Variants in ADAMTS20 observed in about 807,000 individuals in gnomAD.
ADAMTS20 encodes the protein A disintegrin and metalloproteinase with thrombospondin motifs 20.
Under a neutral mutation model 260.1 loss-of-function variants are expected in ADAMTS20, and 225 were observed. That is an observed-to-expected ratio of 0.87 (90% CI 0.78 to 0.97). The LOEUF is 0.97. ADAMTS20 is among the 50% of genes least tolerant of loss of function. The pLI is 0.00. For synonymous variants in ADAMTS20, 802 were observed against 769.5 expected (o/e 1.04, Z -0.70); for missense variants, 2,400 against 2,337.7 (o/e 1.03, Z -0.55).
chr12:43,503,116 G>A lies in ADAMTS20; in HGVS notation c.614-711C>T, dbSNP rs143114304. The stretch of plus-strand genomic sequence containing the variant: ...GAAACTTACACATTTATGCCTGTGC[G>A]TTTAAATCTTAATTAATTGCCCTAA... On this transcript the variant is annotated intron_variant, in intron 3 of 38. Coordinates refer to ENST00000389420, the MANE Select transcript of ADAMTS20 (RefSeq NM_025003.5). 1.8e-3 allele frequency among the ~76,000 whole-genome samples: 250 copies of A among 141,248 alleles called. 1 individual carries two copies. The highest frequency in any genetic ancestry group is 6.6e-3 in the African/African-American group (240 of 36,600). 92.7% of individuals were successfully genotyped at this position (141,248 alleles called of 152,430 possible). A position where few individuals can be genotyped will look rare whatever the true frequency, so the allele number is the denominator to read the frequency against.
At chr12:43,394,002 G>A (rs1940649469) in intron 29 of ADAMTS20, among the ~76,000 whole-genome samples, 1 of 152,008 alleles carries the variant, frequency 6.6e-6, no homozygotes, top group African/African-American at 2.4e-5. Flanking sequence ...GAATCTGTCT[G>A]TCTTTTAAAT....
intron 36 of ADAMTS20, among the ~76,000 whole-genome samples, chr12:43,369,693 G>A (rs543503588): frequency 6.6e-6 from 1 of 152,130 alleles, no homozygotes; most frequent in East Asian, 1.9e-4. Context: ...TCTGAAATAG[G>A]TAAAGTGGGG....
intron 28 of ADAMTS20, among the ~76,000 whole-genome samples, chr12:43,402,441 C>A (rs1940828152): frequency 6.6e-6 from 1 of 151,918 alleles, no homozygotes; most frequent in East Asian, 1.9e-4. Flanking sequence ...AGGGTAAGTA[C>A]AGATTCTATC....
chr12:43,526,146 T>C (rs1321717538), intron 3 of ADAMTS20, among the ~76,000 whole-genome samples: 1 of 152,176 alleles, frequency 6.6e-6, no homozygotes, highest in Non-Finnish European at 1.5e-5. Context: ...CAAATCTCAA[T>C]ACATTTTTAA....
chr12:43,460,988 ATTT>A (rs1161740021), intron 11 of ADAMTS20, among the ~76,000 whole-genome samples: 16 of 26,386 alleles, frequency 6.1e-4, no homozygotes, highest in African/African-American at 1.9e-3. Flanking sequence ...ATATATATAT[ATTT>A]TTTTTTTTTT....
intron 7 of ADAMTS20, among the ~76,000 whole-genome samples, chr12:43,483,401 C>T (rs927145010): frequency 1.1e-4 from 16 of 152,230 alleles, no homozygotes; most frequent in African/African-American, 3.6e-4. Flanking sequence ...GGCATAGGTA[C>T]AGTACTGAGC....
chr12:43,446,490 A>G, intron 15 of ADAMTS20, 105 bp downstream of exon 15: 1 of 823,614 alleles, frequency 1.2e-6, no homozygotes, highest in East Asian at 2.7e-5. Flanking sequence ...GACTAAGGGT[A>G]TAGAGTAGAC....
chr12:43,437,847 T>C (rs1247357529), intron 18 of ADAMTS20, among the ~76,000 whole-genome samples: 1 of 151,728 alleles, frequency 6.6e-6, no homozygotes, highest in African/African-American at 2.4e-5. Context: ...TAAACAAGCC[T>C]AAAAAACAAC....
intron 24 of ADAMTS20, among the ~76,000 whole-genome samples, chr12:43,429,258 G>A (rs895022912): frequency 4.6e-5 from 7 of 152,000 alleles, no homozygotes; most frequent in Non-Finnish European, 1.5e-5. Flanking sequence ...CTCCACATAC[G>A]TTAAAGCTTT....
chr12:43,445,740 T>C (rs1941748796), intron 15 of ADAMTS20, among the ~76,000 whole-genome samples: 1 of 151,806 alleles, frequency 6.6e-6, no homozygotes. Flanking sequence ...TAGTTCTAGG[T>C]ACTGGGGATG....
intron 3 of ADAMTS20, among the ~76,000 whole-genome samples, chr12:43,510,883 T>G (rs1942914880): frequency 6.6e-6 from 1 of 152,124 alleles, no homozygotes; most frequent in Admixed American, 6.6e-5. Context: ...AATCCCATAA[T>G]TCTACTTGGA....
At chr12:43,420,204 C>T (rs1941200098) in intron 28 of ADAMTS20, among the ~76,000 whole-genome samples, 1 of 152,162 alleles carries the variant, frequency 6.6e-6, no homozygotes, top group African/African-American at 2.4e-5. Context: ...GAATCTCACC[C>T]GGCATTCTGG....
At chr12:43,426,175 C>T (rs1450245942) in intron 27 of ADAMTS20, among the ~76,000 whole-genome samples, 5 of 152,050 alleles carry the variant, frequency 3.3e-5, no homozygotes, top group Admixed American at 6.6e-5. Flanking sequence ...CAGCAAATAA[C>T]AAAACAGCTG....
chr12:43,400,454 G>C (rs961864395), intron 28 of ADAMTS20, among the ~76,000 whole-genome samples: 1 of 151,824 alleles, frequency 6.6e-6, no homozygotes, highest in Admixed American at 6.6e-5. Flanking sequence ...TGATTATTAA[G>C]AACTATTATC....
rs7308747 is a variant in ADAMTS20, at chr12:43,549,855, A to G, written c.453+1054T>C. Among the ~76,000 whole-genome samples, 1,448 of 152,336 alleles carry G rather than the reference A, an allele frequency of 9.5e-3. 27 individuals carry two copies. The highest frequency in any genetic ancestry group is 0.032 in the African/African-American group (1,336 of 41,580). On this transcript the variant is annotated intron_variant, in intron 2 of 38. Transcript: ENST00000389420. Reference sequence around the variant, plus strand: ...CTTAAATCAGTTAAGCTAAAGGAGTATTACATTTGAACTGCAGAGAAATGT... The same window carrying G: ...CTTAAATCAGTTAAGCTAAAGGAGTGTTACATTTGAACTGCAGAGAAATGT...
chr12:43,418,751 G>A (rs1310109812), intron 28 of ADAMTS20, among the ~76,000 whole-genome samples: 3 of 152,158 alleles, frequency 2.0e-5, no homozygotes, highest in African/African-American at 7.2e-5. Context: ...GAGTTTTAAA[G>A]CTTCTTGTTA....
chr12:43,415,692 AG>A (rs1050943164), intron 28 of ADAMTS20, among the ~76,000 whole-genome samples: 1 of 152,238 alleles, frequency 6.6e-6, no homozygotes, highest in Non-Finnish European at 1.5e-5. Context: ...TGAATAAAAC[AG>A]GAGTCAAACT....
chr12:43,425,550 A>G lies in ADAMTS20; in HGVS notation c.4248T>C (p.Pro1416=). ...GTTCCTGATGCCATGACACATCAGCAGGGCAAGCATGCATATGACACTGTA... is the reference window on the plus strand; with the variant it reads ...GTTCCTGATGCCATGACACATCAGCGGGGCAAGCATGCATATGACACTGTA... ...SVIQCHMHAC[P]ADVSWHQEPW... Residue 1416 remains proline, a synonymous_variant, in exon 28 of 39, where the codon CCT becomes CCC. Coordinates refer to ENST00000389420, the MANE Select transcript of ADAMTS20 (RefSeq NM_025003.5). 2 of 1,576,902 alleles carry G rather than the reference A, an allele frequency of 1.3e-6. No homozygotes were observed. Among genetic ancestry groups the G allele is most frequent in the Non-Finnish European group, 8.6e-7 (1 of 1,157,206 alleles).
intron 37 of ADAMTS20, among the ~76,000 whole-genome samples, chr12:43,365,297 T>C (rs768528948): frequency 1.2e-4 from 18 of 152,024 alleles, no homozygotes; most frequent in Non-Finnish European, 2.4e-4. Flanking sequence ...CAGACATTAA[T>C]ACAAATCAAC....
Sources: gnomAD v4.1 joint callset for allele counts (sites outside exome capture counted in the v4.1 genomes callset) on GRCh38, gnomAD v4.1.1 for gene constraint, MANE v1.5 for transcripts, NCBI Gene and HGNC (gene_info 2026-07-23, HGNC 2026-07-21) for gene names.